Variants in FIRRM observed in about 807,000 individuals in gnomAD.
FIRRM encodes the protein FIGNL1 interacting regulator of recombination and mitosis.
the FIRRM span, among the ~76,000 whole-genome samples, chr1:169,784,449 C>T: frequency 6.6e-6 from 1 of 152,190 alleles, no homozygotes; most frequent in Non-Finnish European, 1.5e-5. Context: ...TTCCCCAGCA[C>T]TCTTTCTGCT....
the FIRRM span, among the ~76,000 whole-genome samples, chr1:169,788,332 T>C: frequency 6.6e-6 from 1 of 152,210 alleles, no homozygotes; most frequent in African/African-American, 2.4e-5. Flanking sequence ...TACTTGAAGA[T>C]GACAAGCACA....
chr1:169,843,821 C>G, the FIRRM span: 3 of 1,091,066 alleles, frequency 2.7e-6, no homozygotes, highest in Non-Finnish European at 4.2e-6. Context: ...GTTGCTAAAA[C>G]TGCTATCATG....
At chr1:169,805,999 T>C in the FIRRM span, 1 of 1,572,742 alleles carries the variant, frequency 6.4e-7, no homozygotes, top group Non-Finnish European at 8.7e-7. Context: ...TATCTTTCTT[T>C]GCAGTTATTC....
At chr1:169,822,380 T>C in the FIRRM span, among the ~76,000 whole-genome samples, 1 of 152,240 alleles carries the variant, frequency 6.6e-6, no homozygotes, top group African/African-American at 2.4e-5. Flanking sequence ...AAAAACAAAT[T>C]GAACATGGAC....
chr1:169,850,342 G>A, the FIRRM span: 1 of 1,599,320 alleles, frequency 6.3e-7, no homozygotes, highest in Non-Finnish European at 8.6e-7. Flanking sequence ...CCTTTCTGGA[G>A]AAGGTACTTT....
At chr1:169,786,367 A>G in the FIRRM span, among the ~76,000 whole-genome samples, 1 of 152,220 alleles carries the variant, frequency 6.6e-6, no homozygotes, top group Non-Finnish European at 1.5e-5. Context: ...TGCAGAGTTT[A>G]ATCTGTGGAA....
the FIRRM span, among the ~76,000 whole-genome samples, chr1:169,816,679 C>T: frequency 6.6e-6 from 1 of 152,128 alleles, no homozygotes; most frequent in Non-Finnish European, 1.5e-5. Flanking sequence ...TAACTTGGGG[C>T]TCCTGGGCCT....
the FIRRM span, among the ~76,000 whole-genome samples, chr1:169,790,387 T>C: frequency 6.6e-6 from 1 of 152,182 alleles, no homozygotes; most frequent in East Asian, 1.9e-4. Context: ...GGTTTCTCCA[T>C]GTTGGTCAGG....
chr1:169,832,677 C>T, the FIRRM span, among the ~76,000 whole-genome samples: 2 of 152,038 alleles, frequency 1.3e-5, no homozygotes, highest in African/African-American at 2.4e-5. Context: ...GATCACAGCT[C>T]ACTGCAGCCT....
the FIRRM span, among the ~76,000 whole-genome samples, chr1:169,828,114 G>C: frequency 6.6e-6 from 1 of 152,122 alleles, no homozygotes; most frequent in African/African-American, 2.4e-5. Context: ...TAATAGAGTA[G>C]CTATAAGTAG....
the FIRRM span, chr1:169,837,078 G>A: frequency 6.3e-7 from 1 of 1,598,144 alleles, no homozygotes; most frequent in East Asian, 2.3e-5. Context: ...AAATGGCTGA[G>A]CAGGAGTCGT....
the FIRRM span, among the ~76,000 whole-genome samples, chr1:169,794,245 C>T: frequency 6.6e-6 from 1 of 152,196 alleles, no homozygotes; most frequent in Admixed American, 6.5e-5. Flanking sequence ...CAACCATATT[C>T]ACCCCCTAAG....
the FIRRM span, among the ~76,000 whole-genome samples, chr1:169,833,489 C>T: frequency 1.3e-5 from 2 of 152,116 alleles, no homozygotes; most frequent in Admixed American, 1.3e-4. Flanking sequence ...TTTTCCTTGT[C>T]TGCAAAGCAG....
chr1:169,823,259 A>AAAAAG, the FIRRM span: 363 of 496,948 alleles, frequency 7.3e-4, no homozygotes, highest in Non-Finnish European at 1.1e-3. Context: ...TCAAAAAAAA[A>AAAAAG]AAAAGAAAAG....
the FIRRM span, among the ~76,000 whole-genome samples, chr1:169,803,920 T>C: frequency 2.6e-5 from 4 of 152,214 alleles, no homozygotes; most frequent in Non-Finnish European, 5.9e-5. Context: ...CATGCTTGCA[T>C]CTCTTGAAGC....
At chr1:169,818,052 T>G in the FIRRM span, among the ~76,000 whole-genome samples, 1 of 152,182 alleles carries the variant, frequency 6.6e-6, no homozygotes. Context: ...CCCCCTTTAA[T>G]CTAGGTCAAA....
At chr1:169,810,506 C>G in the FIRRM span, among the ~76,000 whole-genome samples, 1 of 151,926 alleles carries the variant, frequency 6.6e-6, no homozygotes, top group Non-Finnish European at 1.5e-5. Flanking sequence ...CTCGGTGTCA[C>G]TGGCAATCCT....
At chr1:169,801,411 C>T in the FIRRM span, among the ~76,000 whole-genome samples, 2 of 141,388 alleles carry the variant, frequency 1.4e-5, no homozygotes, top group South Asian at 2.2e-4. Context: ...TGCCATTGCA[C>T]TCCAGCCTGG....
chr1:169,852,167 A>C, the FIRRM span: 1 of 577,728 alleles, frequency 1.7e-6, no homozygotes, highest in Non-Finnish European at 3.0e-6. Flanking sequence ...AGTAACCTTT[A>C]AGGGAAGTTA....
Sources: gnomAD v4.1 joint callset for allele counts (sites outside exome capture counted in the v4.1 genomes callset) on GRCh38, gnomAD v4.1.1 for gene constraint, MANE v1.5 for transcripts, NCBI Gene and HGNC (gene_info 2026-07-23, HGNC 2026-07-21) for gene names.